The following MFSD6 variants were observed in gnomAD, a reference collection of about 807,000 sequenced individuals.
The protein encoded by MFSD6 is major facilitator superfamily domain containing 6.
Under a neutral mutation model 56.3 loss-of-function variants are expected in MFSD6, and 26 were observed. The observed-to-expected ratio is 0.46, with a 90% confidence interval of 0.34 to 0.64. MFSD6 has a LOEUF of 0.64. MFSD6 is among the 30% of genes least tolerant of loss of function. The pLI, the probability that MFSD6 is intolerant of heterozygous loss-of-function variation, is 0.01. For missense variants in MFSD6, 750 were observed against 986.2 expected (o/e 0.76, Z 3.21); for synonymous variants, 331 against 366.9 (o/e 0.90, Z 1.12).
At position 190,489,769 on chromosome 2, in the gene MFSD6, G is replaced by T; in HGVS notation, c.1794G>T (p.Gly598=). The change falls in exon 6 of 8, where the codon GGG becomes GGT. Residue 598 remains glycine, a splice_region_variant and synonymous_variant. Coordinates refer to ENST00000392328, the MANE Select transcript of MFSD6 (RefSeq NM_017694.4). This position sits in a 1 kb window ranked among gnomAD's most constrained non-coding sequence, Gnocchi z 6.6. ...MIGGVLVNYF[G]AAATFRGIGM... The stretch of plus-strand genomic sequence containing the variant: ...ATAGAGTGCTGTTTGTTTTTATAGG[G>T]GCTGCTGCAACCTTCCGAGGAATTG... The T allele has an allele frequency of 6.2e-7, 1 of 1,613,802 alleles. No individual in the cohort carries two copies. Among genetic ancestry groups the T allele is most frequent in the Non-Finnish European group, 8.5e-7 (1 of 1,179,830 alleles).
chr2:190,472,275 G>A (rs1011421303), intron 4 of MFSD6, among the ~76,000 whole-genome samples: 2 of 152,060 alleles, frequency 1.3e-5, no homozygotes, highest in Non-Finnish European at 2.9e-5. Flanking sequence ...GGCTTCAGAC[G>A]ATCAAACTAC....
In MFSD6 at chr2:190,436,711, C is replaced by T. The variant is rs1325374444; in HGVS notation, c.682C>T (p.Pro228Ser). The stretch of plus-strand genomic sequence containing the variant: ...CATGAACAGTGAACCCACTCTGCAG[C>T]CCCAGACAGGTGAAATTACTAACCG... ...PNMNSEPTLQ[P>S]QTGEITNRMM... Residue 228 changes from proline (P) to serine (S), a missense_variant, in exon 3 of 8, where the codon CCC becomes TCC. This residue lies in a region of MFSD6 where 376 missense variants were observed against 437.9 expected (regional missense o/e 0.86). Coordinates refer to ENST00000392328, the MANE Select transcript of MFSD6 (RefSeq NM_017694.4). This position sits in a 1 kb window ranked among gnomAD's most constrained non-coding sequence, Gnocchi z 5.3. 1 of 1,614,206 alleles carries T rather than the reference C, an allele frequency of 6.2e-7. No individual in the cohort carries two copies. The highest frequency in any genetic ancestry group is 2.2e-5 in the East Asian group (1 of 44,890).
chr2:190,479,001 T>A (rs948105935), intron 4 of MFSD6, among the ~76,000 whole-genome samples: 2 of 152,128 alleles, frequency 1.3e-5, no homozygotes, highest in African/African-American at 4.8e-5. Flanking sequence ...CCTTCCTCTT[T>A]GGGGTTGCAT....
intron 4 of MFSD6, among the ~76,000 whole-genome samples, chr2:190,479,401 G>A (rs1020344368): frequency 6.6e-6 from 1 of 152,182 alleles, no homozygotes; most frequent in African/African-American, 2.4e-5. Flanking sequence ...GAGACAGGGA[G>A]TCTACGTGCC....
intron 4 of MFSD6, among the ~76,000 whole-genome samples, chr2:190,473,488 A>G (rs1284258185): frequency 6.6e-6 from 1 of 152,212 alleles, no homozygotes; most frequent in African/African-American, 2.4e-5. Flanking sequence ...CCATTACATA[A>G]TGGTAAAGGG....
rs1016598103 is a variant in MFSD6 at position 190,438,568 on chromosome 2, T to G, written c.1532+1007T>G. Among the ~76,000 whole-genome samples the G allele has an allele frequency of 6.6e-6, 1 of 152,202 alleles. No individual in the cohort carries two copies. Among genetic ancestry groups the G allele is most frequent in the African/African-American group, 2.4e-5 (1 of 41,450 alleles). On this transcript the variant is annotated intron_variant, in intron 3 of 7. Coordinates refer to ENST00000392328, the MANE Select transcript of MFSD6 (RefSeq NM_017694.4). This position sits in a 1 kb window ranked among gnomAD's most constrained non-coding sequence, Gnocchi z 5.2. ...AGTGTTTCTTGTTGTGTACTATTTCTTCTCACCATTAATGTGCACCTTGCT... is the reference window on the plus strand; with the variant it reads ...AGTGTTTCTTGTTGTGTACTATTTCGTCTCACCATTAATGTGCACCTTGCT...
chr2:190,476,009 A>G (rs1056848150), intron 4 of MFSD6, among the ~76,000 whole-genome samples: 3 of 152,248 alleles, frequency 2.0e-5, no homozygotes, highest in Non-Finnish European at 4.4e-5. Flanking sequence ...GGCTAGCCAT[A>G]TATAGAAAGC....
At chr2:190,483,588 G>C (rs559017648) in intron 4 of MFSD6, among the ~76,000 whole-genome samples, 28 of 152,276 alleles carry the variant, frequency 1.8e-4, no homozygotes, top group African/African-American at 6.5e-4. Flanking sequence ...CGTAATCCCA[G>C]CACTTTGAGA....
chr2:190,442,805 G>GT (rs1255454396), intron 3 of MFSD6: 1 of 152,118 alleles, frequency 6.6e-6, no homozygotes, highest in Non-Finnish European at 1.5e-5. Flanking sequence ...ACACAATATT[G>GT]TAAGTCTGAA....
At position 190,455,595 on chromosome 2, in the gene MFSD6, C is replaced by T. The variant is rs374655344; in HGVS notation, c.1533-14163C>T. The stretch of plus-strand genomic sequence containing the variant: ...AGCTGTAAAAGAGGATTAATAACAA[C>T]GCTTATCCTTCCTGTTTCAGAAGAT... On this transcript the variant is annotated intron_variant, in intron 3 of 7. Coordinates refer to ENST00000392328, the MANE Select transcript of MFSD6 (RefSeq NM_017694.4). Among the ~76,000 whole-genome samples, 32 of 152,140 alleles carry T rather than the reference C, an allele frequency of 2.1e-4. No individual in the cohort carries two copies. The East Asian group carries it at 2.5e-3, about 12-fold the overall frequency.
rs985233606 is a variant in MFSD6, at chr2:190,415,402, C to T, written c.-65C>T. On this transcript the variant is annotated 5_prime_UTR_variant, in exon 2 of 8. Coordinates refer to ENST00000392328, the MANE Select transcript of MFSD6 (RefSeq NM_017694.4). This position sits in a 1 kb window ranked among gnomAD's most constrained non-coding sequence, Gnocchi z 4.5. ...TCTCCTGCCTTGGCCTCCTGAATAG[C>T]TAGAACTACAGGTATGAACCACCAT... The T allele has an allele frequency of 6.6e-6, 1 of 151,990 alleles. No individual in the cohort carries two copies. Among genetic ancestry groups the T allele is most frequent in the African/African-American group, 2.4e-5 (1 of 41,340 alleles). 9.4% of individuals were successfully genotyped at this position (151,990 alleles called of 1,614,324 possible).
Position 190,497,570 on chromosome 2 carries a change from A to G in MFSD6, c.2023A>G (p.Lys675Glu), listed in dbSNP as rs756533916. The G allele has an allele frequency of 6.2e-7, 1 of 1,614,060 alleles. No homozygotes were observed. The highest frequency in any genetic ancestry group is 8.5e-7 in the Non-Finnish European group (1 of 1,180,038). Residue 675 changes from lysine (K) to glutamate (E), a missense_variant, in exon 7 of 8, where the codon AAG becomes GAG. Around this residue, in one of 5 missense-constraint regions of MFSD6, gnomAD observed 172 missense variants for 203.9 expected, o/e 0.84. Coordinates refer to ENST00000392328, the MANE Select transcript of MFSD6 (RefSeq NM_017694.4). The surrounding 1 kb of genome is among the most constrained non-coding windows in gnomAD (Gnocchi z 5.2). ...GCCCAGACTTCCACCCAAGAAAACTAAGCACCAGGAAGAACAGGAAGATGT... is the reference window on the plus strand; with the variant it reads ...GCCCAGACTTCCACCCAAGAAAACTGAGCACCAGGAAGAACAGGAAGATGT... ...IEPRLPPKKT[K>E]HQEEQEDVNK... is the part of the protein sequence containing the mutation.
At chr2:190,419,891 A>C (rs1364742761) in intron 2 of MFSD6, among the ~76,000 whole-genome samples, 1 of 152,238 alleles carries the variant, frequency 6.6e-6, no homozygotes, top group African/African-American at 2.4e-5. Context: ...GATTACTATC[A>C]TTAGACTGTG....
intron 4 of MFSD6, among the ~76,000 whole-genome samples, chr2:190,473,726 G>A (rs1688098351): frequency 6.6e-6 from 1 of 152,116 alleles, no homozygotes; most frequent in Admixed American, 6.5e-5. Flanking sequence ...GGACCTAATA[G>A]ACATCTACAG....
rs1687328324 is a variant in MFSD6, at chr2:190,461,517, C to T, written c.1533-8241C>T. 6.6e-6 allele frequency among the ~76,000 whole-genome samples: 1 copy of T among 152,150 alleles called. No homozygotes were observed. The highest frequency in any genetic ancestry group is 2.1e-4 in the South Asian group (1 of 4,822). On this transcript the variant is annotated intron_variant, in intron 3 of 7. Transcript: ENST00000392328. The surrounding 1 kb of genome is among the most constrained non-coding windows in gnomAD (Gnocchi z 5.5). ...ACTTAATATTCTGCAATGTCTTTTA[C>T]CTTGCTTTAAATGCCAAACAGTTCT...
Position 190,439,764 on chromosome 2 carries a change from A to G in MFSD6, c.1532+2203A>G, listed in dbSNP as rs559370575. On this transcript the variant is annotated intron_variant, in intron 3 of 7. Coordinates refer to ENST00000392328, the MANE Select transcript of MFSD6 (RefSeq NM_017694.4). The surrounding 1 kb of genome is among the most constrained non-coding windows in gnomAD (Gnocchi z 5.8). ...CCCAAGAGTCTGTGGGAATTCCATC[A>G]GTATGTGGTCATTTACCTGTTTTGA... 2.6e-4 allele frequency among the ~76,000 whole-genome samples: 40 copies of G among 152,252 alleles called. No individual in the cohort carries two copies. The highest frequency in any genetic ancestry group is 4.7e-4 in the Non-Finnish European group (32 of 68,044).
chr2:190,490,404 A>C lies in MFSD6; in HGVS notation c.1891+538A>C, dbSNP rs570455208. ...CGGTGAAACCCCATCTCTACTAAAA[A>C]TATAAAAAATTAGCCGGGCACGGTG... On this transcript the variant is annotated intron_variant, in intron 6 of 7. Coordinates refer to ENST00000392328, the MANE Select transcript of MFSD6 (RefSeq NM_017694.4). This position sits in a 1 kb window ranked among gnomAD's most constrained non-coding sequence, Gnocchi z 4.5. Among the ~76,000 whole-genome samples the C allele has an allele frequency of 6.6e-6, 1 of 152,212 alleles. No homozygotes were observed. The highest frequency in any genetic ancestry group is 6.5e-5 in the Admixed American group (1 of 15,286).
At chr2:190,411,285 G>A (rs1257406504) in intron 1 of MFSD6, 8 of 425,920 alleles carry the variant, frequency 1.9e-5, no homozygotes, top group African/African-American at 2.2e-5. Context: ...TCAGCCTCCC[G>A]AGTAGCTGGG....
At position 190,412,591 on chromosome 2, in the gene MFSD6, C is replaced by T; in HGVS notation, c.-175-2701C>T. The stretch of plus-strand genomic sequence containing the variant: ...CAAACAAACACATCTGATGTCAATT[C>T]TGTGTGGGGCAATGAAAACACCTTA... On this transcript the variant is annotated intron_variant, in intron 1 of 7. Transcript: ENST00000392328. The surrounding 1 kb of genome is among the most constrained non-coding windows in gnomAD (Gnocchi z 4.1). The T allele has an allele frequency of 1.0e-6, 1 of 985,354 alleles. No homozygotes were observed. Among genetic ancestry groups the T allele is most frequent in the Admixed American group, 6.1e-5 (1 of 16,278 alleles). The allele number at this position is 985,354 out of a possible 1,614,324, so 61.0% of individuals were successfully genotyped here. A position where few individuals can be genotyped will look rare whatever the true frequency, so the allele number is the denominator to read the frequency against.
Sources: allele counts gnomAD v4.1 joint callset (sites outside exome capture counted in the v4.1 genomes callset), GRCh38; gene constraint gnomAD v4.1.1; regional missense constraint gnomAD v4.1.1; non-coding constraint Gnocchi (gnomAD v3.1); transcripts MANE v1.5; gene names NCBI Gene and HGNC (gene_info 2026-07-23, HGNC 2026-07-21).